MEGF9: variants seen among roughly 807,000 people sequenced by gnomAD.
MEGF9 encodes multiple EGF like domains 9.
In MEGF9, 6 loss-of-function variants were observed where a neutral mutation model predicts 46.8. The observed-to-expected ratio is 0.13, with a 90% CI of 0.07 to 0.25. The LOEUF (loss-of-function observed/expected upper bound fraction) is 0.25, where lower values mean the gene tolerates loss of function less well. Among genes scored for constraint, MEGF9 ranks in the 10% least tolerant of loss-of-function variants. The pLI is 1.00. For synonymous variants in MEGF9, 302 were observed against 330.7 expected (o/e 0.91, Z 0.94); for missense variants, 683 against 792.4 (o/e 0.86, Z 1.66).
At chr9:120,672,816 G>C (rs1276443100) in intron 1 of MEGF9, among the ~76,000 whole-genome samples, 1 of 152,164 alleles carries the variant, frequency 6.6e-6, no homozygotes, top group African/African-American at 2.4e-5. Flanking sequence ...CTGAGGTCAG[G>C]AGTTCAAGAC....
chr9:120,657,264 C>G (rs1176416410), intron 2 of MEGF9, among the ~76,000 whole-genome samples: 1 of 152,200 alleles, frequency 6.6e-6, no homozygotes, highest in Non-Finnish European at 1.5e-5. Flanking sequence ...GATTACTAGT[C>G]TAGTGTACTT....
chr9:120,631,748 G>T (rs986650972), intron 2 of MEGF9, among the ~76,000 whole-genome samples: 4 of 152,110 alleles, frequency 2.6e-5, no homozygotes, highest in Non-Finnish European at 5.9e-5. Context: ...GCCTCCCAAA[G>T]TGCTGGCATT....
chr9:120,691,820 G>T (rs914589375), intron 1 of MEGF9, among the ~76,000 whole-genome samples: 4 of 152,106 alleles, frequency 2.6e-5, no homozygotes, highest in African/African-American at 7.2e-5. Context: ...GAACATTACC[G>T]GTTTGGGTAG....
chr9:120,690,788 C>T (rs1439733329), intron 1 of MEGF9, among the ~76,000 whole-genome samples: 1 of 151,996 alleles, frequency 6.6e-6, no homozygotes, highest in Admixed American at 6.6e-5. Context: ...ACTCCACTAG[C>T]TAAAAATTAG....
At chr9:120,659,093 T>A (rs552559969) in intron 2 of MEGF9, among the ~76,000 whole-genome samples, 41 of 152,362 alleles carry the variant, frequency 2.7e-4, no homozygotes, top group African/African-American at 9.9e-4. Context: ...AAAGCAGATT[T>A]ATTCTTCAAT....
intron 1 of MEGF9, among the ~76,000 whole-genome samples, chr9:120,660,272 A>ATTTTG: frequency 6.6e-6 from 1 of 152,186 alleles, no homozygotes; most frequent in Non-Finnish European, 1.5e-5. Flanking sequence ...TTGTGAGTAC[A>ATTTTG]TAGGTGTATA....
At chr9:120,674,076 C>T (rs2132329489) in intron 1 of MEGF9, among the ~76,000 whole-genome samples, 1 of 150,992 alleles carries the variant, frequency 6.6e-6, no homozygotes, top group South Asian at 2.1e-4. Flanking sequence ...TATGATTGAC[C>T]TTGCATTAGG....
intron 1 of MEGF9, among the ~76,000 whole-genome samples, chr9:120,682,264 A>G (rs1247011806): frequency 6.6e-6 from 1 of 152,220 alleles, no homozygotes; most frequent in Non-Finnish European, 1.5e-5. Flanking sequence ...AACAGAAAGC[A>G]TAAGAAGAAA....
At chr9:120,689,723 ATT>A (rs1039273436) in intron 1 of MEGF9, among the ~76,000 whole-genome samples, 1 of 152,102 alleles carries the variant, frequency 6.6e-6, no homozygotes, top group African/African-American at 2.4e-5. Flanking sequence ...ATGAATTATC[ATT>A]GTCTCTTACT....
chr9:120,625,888 G>C (rs1037947368), intron 2 of MEGF9, among the ~76,000 whole-genome samples: 24 of 145,802 alleles, frequency 1.6e-4, no homozygotes, highest in African/African-American at 5.9e-4. Flanking sequence ...CAAATATAAA[G>C]CTTTGCCTGT....
At chr9:120,607,088 G>A (rs1301294642) in intron 5 of MEGF9, among the ~76,000 whole-genome samples, 2 of 152,078 alleles carry the variant, frequency 1.3e-5, no homozygotes, top group South Asian at 2.1e-4. Flanking sequence ...CATCAGCCTC[G>A]TGTTCAGCAT....
At chr9:120,691,942 A>G (rs2043850338) in intron 1 of MEGF9, among the ~76,000 whole-genome samples, 2 of 152,204 alleles carry the variant, frequency 1.3e-5, no homozygotes, top group Non-Finnish European at 2.9e-5. Flanking sequence ...AAATTGAGTT[A>G]GGTACTTCGA....
intron 2 of MEGF9, among the ~76,000 whole-genome samples, chr9:120,632,250 A>G (rs2043553750): frequency 1.3e-5 from 2 of 152,094 alleles, no homozygotes; most frequent in South Asian, 4.1e-4. Flanking sequence ...AATTTTTTAA[A>G]TGTCCTAATC....
chr9:120,663,713 C>T (rs2043712800), intron 1 of MEGF9, among the ~76,000 whole-genome samples: 1 of 152,314 alleles, frequency 6.6e-6, no homozygotes, highest in East Asian at 1.9e-4. Flanking sequence ...TGCCGAACAG[C>T]TCATTCAATT....
intron 2 of MEGF9, among the ~76,000 whole-genome samples, chr9:120,653,371 T>C (rs951387649): frequency 7.0e-6 from 1 of 143,808 alleles, no homozygotes; most frequent in Admixed American, 6.7e-5. Context: ...TTTTATTTAT[T>C]TTATTTATTT....
At chr9:120,692,836 C>T (rs1282363030) in intron 1 of MEGF9, among the ~76,000 whole-genome samples, 1 of 152,180 alleles carries the variant, frequency 6.6e-6, no homozygotes. Context: ...TCTCAAGACT[C>T]CACTGAGAGA....
At chr9:120,710,032 CAAAAAAAAAAAA>C (rs56208944) in intron 1 of MEGF9, among the ~76,000 whole-genome samples, 1 of 97,902 alleles carries the variant, frequency 1.0e-5, no homozygotes, top group South Asian at 3.5e-4. Flanking sequence ...AACTCCGTCT[CAAAAAAAAAAAA>C]AAAAAAAATC....
At chr9:120,606,977 C>T (rs1204963868) in intron 5 of MEGF9, among the ~76,000 whole-genome samples, 1 of 152,034 alleles carries the variant, frequency 6.6e-6, no homozygotes, top group African/African-American at 2.4e-5. Context: ...GGATCTCTAG[C>T]TAGTAATAGG....
intron 2 of MEGF9, among the ~76,000 whole-genome samples, chr9:120,627,659 C>T (rs1587977589): frequency 6.6e-6 from 1 of 152,180 alleles, no homozygotes; most frequent in Non-Finnish European, 1.5e-5. Context: ...AACAGAGTTT[C>T]GTCATGTTGG....
Sources: gnomAD v4.1 joint callset for allele counts (sites outside exome capture counted in the v4.1 genomes callset) on GRCh38, gnomAD v4.1.1 for gene constraint, MANE v1.5 for transcripts, NCBI Gene and HGNC (gene_info 2026-07-23, HGNC 2026-07-21) for gene names.